Variants in TTLL5 observed in about 807,000 individuals in gnomAD.
TTLL5 encodes the protein tubulin tyrosine ligase like 5.
A neutral mutation model predicts 168.4 loss-of-function variants in TTLL5; 132 were observed. That is an observed-to-expected ratio of 0.78 (90% CI 0.68 to 0.91). The LOEUF (loss-of-function observed/expected upper bound fraction) is 0.91, where lower values mean the gene tolerates loss of function less well. Among genes scored for constraint, TTLL5 ranks in the 40% least tolerant of loss-of-function variants. TTLL5 has a pLI of 0.00. For missense variants in TTLL5, 1,545 were observed against 1,581.5 expected (o/e 0.98, Z 0.39); for synonymous variants, 546 against 558.6 (o/e 0.98, Z 0.32).
Position 75,766,126 on chromosome 14 carries a change from C to T in TTLL5, c.1773C>T (p.Val591=), listed in dbSNP as rs61741261. 4,376 of 1,613,850 alleles carry T rather than the reference C, an allele frequency of 2.7e-3. 37 individuals are homozygous for T. Among genetic ancestry groups the T allele is most frequent in the Non-Finnish European group, 2.2e-3 (2,574 of 1,179,940 alleles). The part of the protein sequence containing the change: ...TETESEEEEE[V]ALDNEDEEQE... The stretch of plus-strand genomic sequence containing the variant: ...CAGAGAGTGAAGAGGAGGAAGAAGT[C>T]GCATTAGATAATGAAGATGAAGAAC... Residue 591 remains valine (V), a synonymous_variant, in exon 20 of 32, where the codon GTC becomes GTT. Coordinates refer to ENST00000298832, the MANE Select transcript of TTLL5 (RefSeq NM_015072.5).
chr14:75,918,009 T>C (rs2033681021), intron 31 of TTLL5, among the ~76,000 whole-genome samples: 1 of 152,230 alleles, frequency 6.6e-6, no homozygotes, highest in Non-Finnish European at 1.5e-5. Flanking sequence ...CAGGCTGCTC[T>C]CTTTCTGCTC....
intron 28 of TTLL5, chr14:75,838,119 C>G (rs1895973973): frequency 6.6e-6 from 1 of 152,138 alleles, no homozygotes. Context: ...TATAAAAGCA[C>G]TACATGGTAG....
chr14:75,719,876 T>C (rs1336500023), intron 11 of TTLL5, 50 bp downstream of exon 11: 4 of 1,542,626 alleles, frequency 2.6e-6, no homozygotes, highest in Non-Finnish European at 3.6e-6. Flanking sequence ...TGGATAACTT[T>C]ATCATTGTCT....
At chr14:75,895,922 A>G (rs2032640462) in intron 30 of TTLL5, among the ~76,000 whole-genome samples, 1 of 152,204 alleles carries the variant, frequency 6.6e-6, no homozygotes, top group Non-Finnish European at 1.5e-5. Flanking sequence ...AACGAATGAA[A>G]TTGACAAGTA....
chr14:75,844,609 A>G (rs1393513499), intron 28 of TTLL5, among the ~76,000 whole-genome samples: 1 of 152,186 alleles, frequency 6.6e-6, no homozygotes, highest in African/African-American at 2.4e-5. Flanking sequence ...ACCTGTCTCA[A>G]CAGGTTGCTA....
At chr14:75,904,340 G>C (rs1340127191) in intron 31 of TTLL5, 1 of 856,006 alleles carries the variant, frequency 1.2e-6, no homozygotes, top group Non-Finnish European at 1.5e-6. Context: ...AAGTGTGAAG[G>C]ATTTCTGTGA....
chr14:75,937,015 A>T (rs2034452111), intron 31 of TTLL5, among the ~76,000 whole-genome samples: 1 of 152,262 alleles, frequency 6.6e-6, no homozygotes, highest in Non-Finnish European at 1.5e-5. Context: ...TAAGTGATAG[A>T]TCAATATCCA....
At chr14:75,859,810 A>G (rs959924537) in intron 28 of TTLL5, among the ~76,000 whole-genome samples, 1 of 152,246 alleles carries the variant, frequency 6.6e-6, no homozygotes, top group African/African-American at 2.4e-5. Flanking sequence ...AGGCCAAGTT[A>G]TGGTACACCT....
At chr14:75,808,198 G>T (rs1893770001) in intron 27 of TTLL5, among the ~76,000 whole-genome samples, 1 of 152,116 alleles carries the variant, frequency 6.6e-6, no homozygotes, top group Non-Finnish European at 1.5e-5. Context: ...ACTCTGTCTG[G>T]ATTTTGGAAC....
At chr14:75,683,248 T>C (rs371465913) in intron 4 of TTLL5, among the ~76,000 whole-genome samples, 3 of 152,358 alleles carry the variant, frequency 2.0e-5, no homozygotes, top group African/African-American at 7.2e-5. Flanking sequence ...TCATACTCAG[T>C]TTCTGCAAGG....
intron 27 of TTLL5, among the ~76,000 whole-genome samples, chr14:75,810,136 T>C (rs1400709855): frequency 6.6e-6 from 1 of 152,180 alleles, no homozygotes; most frequent in African/African-American, 2.4e-5. Context: ...AAGCCCAGAG[T>C]AGGTGCCTGA....
chr14:75,820,990 G>A (rs904807747), intron 28 of TTLL5, among the ~76,000 whole-genome samples: 5 of 152,128 alleles, frequency 3.3e-5, no homozygotes, highest in African/African-American at 1.2e-4. Flanking sequence ...ACAGGTGCCC[G>A]ACCAAGCCCT....
chr14:75,836,893 G>A (rs955847669), intron 28 of TTLL5, among the ~76,000 whole-genome samples: 1 of 152,030 alleles, frequency 6.6e-6, no homozygotes, highest in African/African-American at 2.4e-5. Context: ...AGGAGAGCAG[G>A]CCACTATGAC....
At position 75,776,870 on chromosome 14, in the gene TTLL5, G is replaced by A. The variant is rs1254727117; in HGVS notation, c.2387+20G>A. Reference sequence around the variant, plus strand: ...AGCAAGGTAGTAGACATTCTTGATTGATAAAAGCTGTCTTATTCCATCTTC... The same window carrying A: ...AGCAAGGTAGTAGACATTCTTGATTAATAAAAGCTGTCTTATTCCATCTTC... On this transcript the variant is annotated intron_variant, in intron 23 of 31. Transcript: ENST00000298832. 6.3e-7 allele frequency: 1 copy of A among 1,577,832 alleles called. No individual in the cohort carries two copies. Among genetic ancestry groups the A allele is most frequent in the East Asian group, 2.2e-5 (1 of 44,662 alleles).
At chr14:75,828,172 A>G (rs1043192513) in intron 28 of TTLL5, among the ~76,000 whole-genome samples, 5 of 152,206 alleles carry the variant, frequency 3.3e-5, no homozygotes, top group Non-Finnish European at 5.9e-5. Flanking sequence ...AGAGGTTAGT[A>G]AATTGGATGT....
In TTLL5 at chr14:75,764,493, T is replaced by A. The variant is rs146342816; in HGVS notation, c.1551-122T>A. On this transcript the variant is annotated intron_variant, in intron 18 of 31. Coordinates refer to ENST00000298832, the MANE Select transcript of TTLL5 (RefSeq NM_015072.5). ...GTGTTCCTCTTTATCTGTCAAACTT[T>A]TAGAATTCACTTGAGTTACCATGTC... is the stretch of plus-strand genomic sequence containing the variant. 3.4e-4 allele frequency: 409 copies of A among 1,189,196 alleles called. 1 individual carries two copies. The East Asian group carries it at 8.8e-3, about 26-fold the overall frequency. The allele number at this position is 1,189,196 out of a possible 1,614,324, so 73.7% of individuals were successfully genotyped here. A position where few individuals can be genotyped will look rare whatever the true frequency, so the allele number is the denominator to read the frequency against.
chr14:75,693,275 G>T (rs1042093666), intron 6 of TTLL5, among the ~76,000 whole-genome samples: 5 of 152,192 alleles, frequency 3.3e-5, no homozygotes, highest in African/African-American at 1.2e-4. Context: ...CTAGGGATGG[G>T]TGGGTGTCTA....
intron 7 of TTLL5, among the ~76,000 whole-genome samples, chr14:75,701,699 C>T (rs749657205): frequency 6.6e-6 from 1 of 152,196 alleles, no homozygotes; most frequent in Non-Finnish European, 1.5e-5. Context: ...TGCACCCACA[C>T]GTCTCCTGGC....
chr14:75,759,272 A>G (rs12887544), intron 18 of TTLL5, among the ~76,000 whole-genome samples: 34,295 of 152,098 alleles, frequency 0.23, 4,812 homozygotes, highest in Non-Finnish European at 0.3. Flanking sequence ...TTGACAGCTT[A>G]GTTGAAATGA....
Sources: allele counts gnomAD v4.1 joint callset (sites outside exome capture counted in the v4.1 genomes callset), GRCh38; gene constraint gnomAD v4.1.1; transcripts MANE v1.5; gene names NCBI Gene and HGNC (gene_info 2026-07-23, HGNC 2026-07-21).